The following PXMP4 variants were observed in gnomAD, a reference collection of about 807,000 sequenced individuals.
The protein encoded by PXMP4 is peroxisomal membrane protein 4.
In PXMP4, 16 loss-of-function variants were observed where a neutral mutation model predicts 21.6. The observed-to-expected ratio is 0.74, with a 90% CI of 0.50 to 1.13. The LOEUF (loss-of-function observed/expected upper bound fraction) is 1.13, where lower values mean the gene tolerates loss of function less well. Ranked by LOEUF, PXMP4 falls within the 50% of genes most tolerant of loss-of-function variation. PXMP4 has a pLI of 0.00. For missense variants in PXMP4, 240 were observed against 277.7 expected, an observed-to-expected ratio of 0.86 and a Z score of 0.96; for synonymous variants, 127 against 123.8, an observed-to-expected ratio of 1.03 and a Z score of -0.17.
At chr20:33,716,146 G>T (rs1329289214) in intron 1 of PXMP4, among the ~76,000 whole-genome samples, 1 of 152,070 alleles carries the variant, frequency 6.6e-6, no homozygotes, top group East Asian at 1.9e-4. Context: ...GCCTGTCCTA[G>T]CCAGTCTCAT....
chr20:33,717,733 C>A lies in PXMP4; in HGVS notation c.113+2362G>T, dbSNP rs527570257. 2.0e-5 allele frequency among the ~76,000 whole-genome samples: 3 copies of A among 151,968 alleles called. No homozygotes were observed. In the East Asian group the frequency reaches 5.8e-4, roughly 29 times the overall value. On this transcript the variant is annotated intron_variant, in intron 1 of 3. Transcript: ENST00000409299. ...TAAGATTCAAACCTCTTCCCCCACC[C>A]TTCCTTTCCCCTCCTCATTTAGGGA...
rs1388780017 is a variant in PXMP4 at position 33,720,240 on chromosome 20, A to T, written c.-33T>A. 1 of 1,574,122 alleles carries T rather than the reference A, an allele frequency of 6.4e-7. No homozygotes were observed. Among genetic ancestry groups the T allele is most frequent in the East Asian group, 2.4e-5 (1 of 42,520 alleles). ...GCTGCGCGCAGGGTCGGGGTTAGGA[A>T]CTGTAAGCGCACTGACAGCCGGAGG... is the stretch of plus-strand genomic sequence containing the variant. On this transcript the variant is annotated 5_prime_UTR_variant, in exon 1 of 4. Transcript: ENST00000409299.
intron 1 of PXMP4, among the ~76,000 whole-genome samples, chr20:33,717,639 C>CAAAAAAAAAAAAAAAAAAAAAAAAA (rs10666719): frequency 1.1e-4 from 6 of 56,584 alleles, no homozygotes; most frequent in African/African-American, 5.1e-4. Flanking sequence ...GACTCCGTCT[C>CAAAAAAAAAAAAAAAAAAAAAAAAA]AAAAAAAAAA....
At position 33,703,194 on chromosome 20, in the gene PXMP4, C is replaced by T. The variant is rs893849872; in HGVS notation, c.*4512G>A. 11 of 152,254 alleles carry T rather than the reference C, an allele frequency of 7.2e-5. No homozygotes were observed. The highest frequency in any genetic ancestry group is 2.7e-4 in the African/African-American group (11 of 41,462). The allele number at this position is 152,254 out of a possible 1,614,324, so 9.4% of individuals were successfully genotyped here. ...GGAGGGCAGGCGGCCAAGGTTTCAC[C>T]TTCAGCTGGGGGCAGGACAGGCTAA... On this transcript the variant is annotated 3_prime_UTR_variant, in exon 4 of 4. Transcript: ENST00000409299.
Position 33,707,586 on chromosome 20 carries a change from C to T in PXMP4, c.*120G>A, listed in dbSNP as rs1277993717. 1.8e-5 allele frequency: 25 copies of T among 1,389,110 alleles called. No homozygotes were observed. Among genetic ancestry groups the T allele is most frequent in the South Asian group, 5.7e-5 (4 of 70,628 alleles). The allele number at this position is 1,389,110 out of a possible 1,614,324, so 86.0% of individuals were successfully genotyped here. A position where few individuals can be genotyped will look rare whatever the true frequency, so the allele number is the denominator to read the frequency against. ...AAATCAGTGTTTTTACTTCAGCAAACGGAACCCTGGGATAACACCAGTTGG... is the reference window on the plus strand; with the variant it reads ...AAATCAGTGTTTTTACTTCAGCAAATGGAACCCTGGGATAACACCAGTTGG... On this transcript the variant is annotated 3_prime_UTR_variant, in exon 4 of 4. Coordinates refer to ENST00000409299, the MANE Select transcript of PXMP4 (RefSeq NM_007238.5).
rs2018259627 is a variant in PXMP4 at position 33,706,659 on chromosome 20, G to A, written c.*1047C>T. On this transcript the variant is annotated 3_prime_UTR_variant, in exon 4 of 4. Transcript: ENST00000409299. ...CTCAAACCCATGTCCTCTAGCTCTA[G>A]ATCTGCACTGTCCACTAGAATAATC... 6.6e-6 allele frequency: 1 copy of A among 152,032 alleles called. No individual in the cohort carries two copies. Among genetic ancestry groups the A allele is most frequent in the African/African-American group, 2.4e-5 (1 of 41,388 alleles). 9.4% of individuals were successfully genotyped at this position (152,032 alleles called of 1,614,324 possible).
In PXMP4 at chr20:33,720,219, C is replaced by A. The variant is rs552368039; in HGVS notation, c.-12G>T. The A allele has an allele frequency of 6.9e-6, 11 of 1,601,554 alleles. No homozygotes were observed. The African/African-American group carries it at 1.3e-4, about 20-fold the overall frequency. On this transcript the variant is annotated 5_prime_UTR_variant, in exon 1 of 4. Coordinates refer to ENST00000409299, the MANE Select transcript of PXMP4 (RefSeq NM_007238.5). ...GGCGGGGCTGCCATAGTGCGGGCTGCGCGCAGGGTCGGGGTTAGGAACTGT... is the reference window on the plus strand; with the variant it reads ...GGCGGGGCTGCCATAGTGCGGGCTGAGCGCAGGGTCGGGGTTAGGAACTGT...
At position 33,720,146 on chromosome 20, in the gene PXMP4, C is replaced by T; in HGVS notation, c.62G>A (p.Arg21His). 6.2e-7 allele frequency: 1 copy of T among 1,613,590 alleles called. No homozygotes were observed. Among genetic ancestry groups the T allele is most frequent in the Non-Finnish European group, 8.5e-7 (1 of 1,179,914 alleles). ...LVVVNALLRK[R>H]RYHAALAVLK... ...CACGGCCAACGCAGCGTGGTAGCGG[C>T]GCTTGCGCAGCAGTGCGTTGACGAC... The change falls in exon 1 of 4, where the codon CGC (arginine) becomes CAC (histidine). Residue 21 changes from arginine to histidine, a missense_variant. By Grantham distance (29) the Arg-to-His change is conservative. Transcript: ENST00000409299.
At position 33,707,621 on chromosome 20, in the gene PXMP4, C is replaced by A. The variant is rs1311648428; in HGVS notation, c.*85G>T. 2 of 1,515,330 alleles carry A rather than the reference C, an allele frequency of 1.3e-6. No individual in the cohort carries two copies. The highest frequency in any genetic ancestry group is 1.9e-5 in the Admixed American group (1 of 52,784). 93.9% of individuals were successfully genotyped at this position (1,515,330 alleles called of 1,614,324 possible). A position where few individuals can be genotyped will look rare whatever the true frequency, so the allele number is the denominator to read the frequency against. On this transcript the variant is annotated 3_prime_UTR_variant, in exon 4 of 4. Coordinates refer to ENST00000409299, the MANE Select transcript of PXMP4 (RefSeq NM_007238.5). Reference sequence around the variant, plus strand: ...GGATAACACCAGTTGGAGTCTGAGGCCTATGATCTTGAGAAGGCAGTATCC... The same window carrying A: ...GGATAACACCAGTTGGAGTCTGAGGACTATGATCTTGAGAAGGCAGTATCC...
At position 33,710,695 on chromosome 20, in the gene PXMP4, C is replaced by T. The variant is rs1275331658; in HGVS notation, c.235G>A (p.Ala79Thr). ...QATYIHSWNL[A>T]RFVFTYKGLR... ...CCCTTGTAGGTGAACACAAACCGTG[C>T]CAGGTTCCAGGAGTGGATATATGTG... The change falls in exon 3 of 4, where the codon GCA (alanine) becomes ACA (threonine). Residue 79 changes from alanine (A) to threonine (T), a missense_variant. By Grantham distance (58) the Ala-to-Thr change is moderately conservative. Transcript: ENST00000409299. 2 of 1,613,742 alleles carry T rather than the reference C, an allele frequency of 1.2e-6. No homozygotes were observed. Among genetic ancestry groups the T allele is most frequent in the Non-Finnish European group, 1.7e-6 (2 of 1,179,860 alleles).
intron 2 of PXMP4, among the ~76,000 whole-genome samples, chr20:33,712,340 A>G (rs970931730): frequency 1.3e-5 from 2 of 152,038 alleles, no homozygotes; most frequent in Admixed American, 6.6e-5. Context: ...CAAGCCCGAC[A>G]TTTGCTCACT....
Position 33,710,740 on chromosome 20 carries a change from G to A in PXMP4, c.190C>T (p.Leu64=), listed in dbSNP as rs2018318001. The change falls in exon 3 of 4, where the codon CTG becomes TTG. Residue 64 remains leucine (L), a synonymous_variant. Transcript: ENST00000409299. ...LFRNGSLQEK[L]WAILQATYIH... ...TATGTGGCCTGCAGTATGGCCCACA[G>A]CTTCTCCTGGAGGCTGCACAAACAC... The A allele has an allele frequency of 1.2e-6, 2 of 1,608,156 alleles. No homozygotes were observed. Among genetic ancestry groups the A allele is most frequent in the East Asian group, 4.5e-5 (2 of 44,738 alleles).
At position 33,714,690 on chromosome 20, in the gene PXMP4, G is replaced by A. The variant is rs770866574; in HGVS notation, c.160C>T (p.Leu54Phe). The change falls in exon 2 of 4, where the codon CTC (leucine) becomes TTC (phenylalanine). Residue 54 changes from leucine (L) to phenylalanine (F), a missense_variant. Coordinates refer to ENST00000409299, the MANE Select transcript of PXMP4 (RefSeq NM_007238.5). ...GATGTGTACCTGCCATTCCGGAAGA[G>A]AAAGGTCATGACCAGCGCGTGAGGG... Reference protein sequence around the residue: ...RAPHALVMTFLFRNGSLQEKL... With the variant: ...RAPHALVMTFFFRNGSLQEKL... 2.2e-5 allele frequency: 36 copies of A among 1,613,982 alleles called. No homozygotes were observed. Among genetic ancestry groups the A allele is most frequent in the South Asian group, 1.3e-4 (12 of 91,086 alleles).
intron 1 of PXMP4, among the ~76,000 whole-genome samples, chr20:33,718,553 G>T (rs1299986250): frequency 1.3e-5 from 2 of 148,780 alleles, no homozygotes; most frequent in East Asian, 3.9e-4. Context: ...TGGCAAAAGG[G>T]TTACTGATGT....
chr20:33,711,236 C>A (rs2747554), intron 2 of PXMP4, among the ~76,000 whole-genome samples: 81,709 of 151,998 alleles, frequency 0.54, 22,590 homozygotes, highest in East Asian at 0.8. Flanking sequence ...TGCTCGCCAC[C>A]CTCAGGGGCT....
chr20:33,712,946 A>G (rs966346135), intron 2 of PXMP4, among the ~76,000 whole-genome samples: 20 of 152,102 alleles, frequency 1.3e-4, no homozygotes, highest in African/African-American at 4.6e-4. Flanking sequence ...TGTATTTTTC[A>G]GTAGAGACAG....
At chr20:33,719,194 C>G (rs1190482586) in intron 1 of PXMP4, among the ~76,000 whole-genome samples, 2 of 152,226 alleles carry the variant, frequency 1.3e-5, no homozygotes, top group Admixed American at 1.3e-4. Context: ...CCGTGGCCAG[C>G]CTGTGCTAAG....
At chr20:33,712,699 C>T (rs1182838231) in intron 2 of PXMP4, among the ~76,000 whole-genome samples, 1 of 152,166 alleles carries the variant, frequency 6.6e-6, no homozygotes, top group Non-Finnish European at 1.5e-5. Context: ...AGCGCAATCT[C>T]GGCTCACTGC....
intron 1 of PXMP4, among the ~76,000 whole-genome samples, chr20:33,717,834 T>C (rs908867931): frequency 6.6e-6 from 1 of 152,080 alleles, no homozygotes; most frequent in African/African-American, 2.4e-5. Flanking sequence ...AGAAAGACAG[T>C]GGTATTTGGG....
Sources: allele counts gnomAD v4.1 joint callset (sites outside exome capture counted in the v4.1 genomes callset), GRCh38; gene constraint gnomAD v4.1.1; transcripts MANE v1.5; gene names NCBI Gene and HGNC (gene_info 2026-07-23, HGNC 2026-07-21).